GNG4: variants seen among roughly 807,000 people sequenced by gnomAD.
The protein encoded by GNG4 is guanine nucleotide-binding protein G(I)/G(S)/G(O) subunit gamma-4.
GNG4 carries 4 observed loss-of-function variants against 5.8 expected under a neutral mutation model. That is an observed-to-expected ratio of 0.69 (90% CI 0.34 to 1.57). The LOEUF is 1.57. GNG4 is among the 40% of genes most tolerant of loss of function. The probability of loss-of-function intolerance (pLI) is 0.06; values close to 1 mark genes in which losing one functional copy is unlikely to be tolerated. For synonymous variants in GNG4, 29 were observed against 32.9 expected (o/e 0.88, Z 0.41); for missense variants, 96 against 95.1 (o/e 1.01, Z -0.04).
chr1:235,556,780 T>C (rs1244998650), intron 3 of GNG4, among the ~76,000 whole-genome samples: 2 of 151,946 alleles, frequency 1.3e-5, no homozygotes, highest in Non-Finnish European at 2.9e-5. Flanking sequence ...GAAATAATTA[T>C]ATACAATTCA....
intron 1 of GNG4, among the ~76,000 whole-genome samples, chr1:235,600,129 T>TTTTTTTTTTTTTTTTTTA (rs1289825136): frequency 8.8e-6 from 1 of 113,016 alleles, no homozygotes; most frequent in African/African-American, 3.4e-5. Context: ...TTTTTTTTTT[T>TTTTTTTTTTTTTTTTTTA]AGACAGGCAG....
chr1:235,624,408 G>C (rs774990950), intron 1 of GNG4, among the ~76,000 whole-genome samples: 2 of 151,942 alleles, frequency 1.3e-5, no homozygotes, highest in Non-Finnish European at 2.9e-5. Flanking sequence ...CCCCGTGCCC[G>C]GCTGCCAATT....
intron 1 of GNG4, among the ~76,000 whole-genome samples, chr1:235,620,305 C>T (rs577349158): frequency 4.6e-5 from 7 of 151,914 alleles, no homozygotes; most frequent in East Asian, 2.0e-4. Context: ...GTGGAGGTTG[C>T]GGTGAGCCGA....
intron 3 of GNG4, among the ~76,000 whole-genome samples, chr1:235,575,673 A>C (rs16832676): frequency 4.8e-4 from 73 of 152,296 alleles, no homozygotes; most frequent in African/African-American, 1.7e-3. Flanking sequence ...TGGCCATTCC[A>C]TCAGTTGCTT....
chr1:235,594,418 C>T (rs961755569), intron 2 of GNG4, among the ~76,000 whole-genome samples: 11 of 152,244 alleles, frequency 7.2e-5, no homozygotes, highest in African/African-American at 2.2e-4. Context: ...CTGCCAGTCC[C>T]ATGCCATGCG....
At chr1:235,588,554 C>T (rs1465872245) in intron 2 of GNG4, among the ~76,000 whole-genome samples, 2 of 152,168 alleles carry the variant, frequency 1.3e-5, no homozygotes, top group African/African-American at 4.8e-5. Context: ...AACTCCTCCC[C>T]TCTCCACACT....
chr1:235,589,637 C>T (rs1455111106), intron 2 of GNG4, among the ~76,000 whole-genome samples: 1 of 152,192 alleles, frequency 6.6e-6, no homozygotes, highest in African/African-American at 2.4e-5. Context: ...TGACCTTGTC[C>T]TCCTCAATGG....
intron 2 of GNG4, among the ~76,000 whole-genome samples, chr1:235,593,751 T>G (rs1323604834): frequency 6.6e-6 from 1 of 151,990 alleles, no homozygotes; most frequent in African/African-American, 2.4e-5. Flanking sequence ...AGGCGGCGCG[T>G]CTGGAGTTGT....
At chr1:235,646,733 A>G (rs956636403) in intron 1 of GNG4, among the ~76,000 whole-genome samples, 5 of 152,100 alleles carry the variant, frequency 3.3e-5, no homozygotes, top group African/African-American at 4.8e-5. Context: ...CTGTCTACCA[A>G]TTTCCAGCAG....
intron 1 of GNG4, among the ~76,000 whole-genome samples, chr1:235,622,745 G>A (rs1225607082): frequency 3.9e-5 from 6 of 151,970 alleles, no homozygotes; most frequent in Admixed American, 3.9e-4. Flanking sequence ...GTCAGGTGTG[G>A]TGGTGGACCC....
chr1:235,621,494 C>T (rs1053910683), intron 1 of GNG4, among the ~76,000 whole-genome samples: 1 of 150,966 alleles, frequency 6.6e-6, no homozygotes, highest in African/African-American at 2.4e-5. Flanking sequence ...GGGGTTTCAC[C>T]ATTTTGGCCA....
intron 3 of GNG4, among the ~76,000 whole-genome samples, chr1:235,558,736 T>C (rs1027187283): frequency 2.6e-5 from 4 of 152,262 alleles, no homozygotes; most frequent in African/African-American, 9.6e-5. Context: ...ATTCCTTTAC[T>C]GTGTATCCTT....
chr1:235,569,399 A>C (rs1687279769), intron 3 of GNG4, among the ~76,000 whole-genome samples: 1 of 151,252 alleles, frequency 6.6e-6, no homozygotes, highest in Non-Finnish European at 1.5e-5. Context: ...CGGAAGCTGC[A>C]GTGAGCCAAG....
At chr1:235,594,722 C>T (rs893548738) in intron 2 of GNG4, among the ~76,000 whole-genome samples, 15 of 152,190 alleles carry the variant, frequency 9.9e-5, no homozygotes, top group Non-Finnish European at 1.3e-4. Context: ...CACGCTGGTC[C>T]GCAAGCACCG....
rs977121522 is a variant in GNG4, at chr1:235,550,861, T to G, written c.*1248A>C. 1.3e-5 allele frequency: 2 copies of G among 152,132 alleles called. No homozygotes were observed. Among genetic ancestry groups the G allele is most frequent in the Non-Finnish European group, 2.9e-5 (2 of 68,012 alleles). The allele number at this position is 152,132 out of a possible 1,614,324, so 9.4% of individuals were successfully genotyped here. A position where few individuals can be genotyped will look rare whatever the true frequency, so the allele number is the denominator to read the frequency against. On this transcript the variant is annotated 3_prime_UTR_variant, in exon 4 of 4. Coordinates refer to ENST00000391854, the MANE Select transcript of GNG4 (RefSeq NM_001098722.2). ...CTTATGGTATTTATTGTTGGAAGAT[T>G]GAGTACCTTAATGCACACCAATGCT...
chr1:235,581,643 C>T (rs1035190567), intron 3 of GNG4, among the ~76,000 whole-genome samples: 1 of 152,030 alleles, frequency 6.6e-6, no homozygotes, highest in Non-Finnish European at 1.5e-5. Context: ...CCGCACCCTC[C>T]GCCCTGAGAA....
intron 1 of GNG4, among the ~76,000 whole-genome samples, chr1:235,624,134 G>A (rs887462878): frequency 2.0e-5 from 3 of 147,948 alleles, no homozygotes; most frequent in Admixed American, 6.8e-5. Flanking sequence ...ACGGAGTCTC[G>A]CTGTATCACC....
intron 3 of GNG4, among the ~76,000 whole-genome samples, chr1:235,572,552 A>AGTGAGGT (rs1687373348): frequency 7.8e-6 from 1 of 128,246 alleles, no homozygotes; most frequent in Non-Finnish European, 1.6e-5. Context: ...CCCAGGCTGG[A>AGTGAGGT]GTGAGGTGGT....
At position 235,564,135 on chromosome 1, in the gene GNG4, C is replaced by T. The variant is rs528028670; in HGVS notation, c.100-11898G>A. 4.6e-5 allele frequency among the ~76,000 whole-genome samples: 7 copies of T among 152,132 alleles called. No homozygotes were observed. In the South Asian group the frequency reaches 6.2e-4, roughly 14 times the overall value. On this transcript the variant is annotated intron_variant, in intron 3 of 3. Coordinates refer to ENST00000391854, the MANE Select transcript of GNG4 (RefSeq NM_001098722.2). Reference sequence around the variant, plus strand: ...TTTGCAGCAGTATGAATACAGCTGGCGGCCATTATCCTAATTGAATTAATG... The same window carrying T: ...TTTGCAGCAGTATGAATACAGCTGGTGGCCATTATCCTAATTGAATTAATG...
Sources: gnomAD v4.1 joint callset for allele counts (sites outside exome capture counted in the v4.1 genomes callset) on GRCh38, gnomAD v4.1.1 for gene constraint, MANE v1.5 for transcripts, NCBI Gene and HGNC (gene_info 2026-07-23, HGNC 2026-07-21) for gene names.